Variants in THSD4 observed in about 807,000 individuals in gnomAD.
The protein encoded by THSD4 is thrombospondin type-1 domain-containing protein 4.
THSD4 carries 69 observed loss-of-function variants against 119.0 expected under a neutral mutation model. That is an observed-to-expected ratio of 0.58 (90% CI 0.48 to 0.71). The LOEUF is 0.71. THSD4 is among the 30% of genes least tolerant of loss of function. The pLI is 0.00. For synonymous variants in THSD4, 524 were observed against 540.4 expected (o/e 0.97, Z 0.42); for missense variants, 1,393 against 1,391.1 (o/e 1.00, Z -0.02).
chr15:71,490,885 A>G (rs1314876695), intron 7 of THSD4, among the ~76,000 whole-genome samples: 1 of 152,238 alleles, frequency 6.6e-6, no homozygotes, highest in Non-Finnish European at 1.5e-5. Flanking sequence ...GTTCCTTGCT[A>G]CAATGGCAGA....
chr15:71,331,591 G>A (rs914317544), intron 6 of THSD4, among the ~76,000 whole-genome samples: 1 of 152,180 alleles, frequency 6.6e-6, no homozygotes, highest in African/African-American at 2.4e-5. Flanking sequence ...CCAGAGCATG[G>A]TGGGCCGGGA....
intron 7 of THSD4, among the ~76,000 whole-genome samples, chr15:71,444,040 A>C (rs2047147376): frequency 2.0e-5 from 3 of 152,214 alleles, no homozygotes; most frequent in Admixed American, 2.0e-4. Flanking sequence ...TTTTGTCTGC[A>C]TTTAAAAAAA....
intron 6 of THSD4, among the ~76,000 whole-genome samples, chr15:71,300,215 C>A (rs1596323147): frequency 6.6e-6 from 1 of 151,782 alleles, no homozygotes. Flanking sequence ...AGCAACCACA[C>A]CCCTTCACCA....
chr15:71,748,133 A>G (rs905379992), intron 13 of THSD4, among the ~76,000 whole-genome samples: 4 of 152,182 alleles, frequency 2.6e-5, no homozygotes, highest in Admixed American at 6.5e-5. Flanking sequence ...CAGGAAATCC[A>G]TTTTTAAGGT....
At chr15:71,575,281 C>G (rs1017647098) in intron 7 of THSD4, among the ~76,000 whole-genome samples, 5 of 152,162 alleles carry the variant, frequency 3.3e-5, no homozygotes, top group Non-Finnish European at 5.9e-5. Flanking sequence ...CCAGCAAATA[C>G]AAAGACCATG....
intron 1 of THSD4, among the ~76,000 whole-genome samples, chr15:71,099,890 G>A (rs540224657): frequency 8.4e-4 from 128 of 152,332 alleles, no homozygotes; most frequent in African/African-American, 3.0e-3. Flanking sequence ...AGCCCAGGAA[G>A]TCAGGGTTGC....
intron 6 of THSD4, among the ~76,000 whole-genome samples, chr15:71,402,191 T>A (rs2046545065): frequency 6.6e-6 from 1 of 151,384 alleles, no homozygotes; most frequent in African/African-American, 2.4e-5. Context: ...ATACGGCACA[T>A]GTATACATAT....
intron 6 of THSD4, among the ~76,000 whole-genome samples, chr15:71,288,441 G>C (rs1010457331): frequency 6.6e-6 from 1 of 152,158 alleles, no homozygotes; most frequent in African/African-American, 2.4e-5. Context: ...TCATTGTACA[G>C]ATGGGGAAAC....
intron 7 of THSD4, among the ~76,000 whole-genome samples, chr15:71,621,297 CG>C (rs2050414586): frequency 6.6e-6 from 1 of 152,058 alleles, no homozygotes; most frequent in Non-Finnish European, 1.5e-5. Flanking sequence ...TGAAAACAAG[CG>C]TACATTTTTT....
intron 6 of THSD4, among the ~76,000 whole-genome samples, chr15:71,336,465 T>C (rs2140381173): frequency 6.6e-6 from 1 of 152,350 alleles, no homozygotes; most frequent in Admixed American, 6.5e-5. Flanking sequence ...GGGAAAAAAG[T>C]AATTTGAGTG....
At chr15:71,396,593 C>CAT in intron 6 of THSD4, among the ~76,000 whole-genome samples, 1 of 152,304 alleles carries the variant, frequency 6.6e-6, no homozygotes, top group Non-Finnish European at 1.5e-5. Flanking sequence ...TGTTTTAACA[C>CAT]ATATATCCGC....
At chr15:71,200,255 T>C (rs1019730704) in intron 3 of THSD4, among the ~76,000 whole-genome samples, 4 of 152,164 alleles carry the variant, frequency 2.6e-5, no homozygotes, top group Non-Finnish European at 5.9e-5. Context: ...GTCTGCAGCT[T>C]CTCTGACTTT....
chr15:71,401,010 A>G (rs556083297), intron 6 of THSD4, among the ~76,000 whole-genome samples: 10 of 152,202 alleles, frequency 6.6e-5, no homozygotes, highest in Admixed American at 6.5e-4. Context: ...TTTTCTCTCC[A>G]CTGAAATGAC....
intron 7 of THSD4, among the ~76,000 whole-genome samples, chr15:71,470,062 A>G (rs2047552687): frequency 6.6e-6 from 1 of 152,260 alleles, no homozygotes; most frequent in African/African-American, 2.4e-5. Context: ...GTGTAAAGGC[A>G]TGAAACAATC....
chr15:71,483,300 C>T (rs1337326491), intron 7 of THSD4, among the ~76,000 whole-genome samples: 2 of 152,184 alleles, frequency 1.3e-5, no homozygotes, highest in East Asian at 3.9e-4. Context: ...CCTCAATCTT[C>T]ATACGTGTGA....
chr15:71,705,193 G>A (rs2052370858), intron 8 of THSD4, among the ~76,000 whole-genome samples: 1 of 152,186 alleles, frequency 6.6e-6, no homozygotes, highest in South Asian at 2.1e-4. Flanking sequence ...AGGGCCAGAG[G>A]GATGGGCACC....
chr15:71,307,100 T>G (rs1168013596), intron 6 of THSD4, among the ~76,000 whole-genome samples: 1 of 152,174 alleles, frequency 6.6e-6, no homozygotes, highest in Non-Finnish European at 1.5e-5. Flanking sequence ...TTCCTTGTTC[T>G]TGGGGATTCT....
At chr15:71,331,138 T>A (rs534633798) in intron 6 of THSD4, among the ~76,000 whole-genome samples, 4 of 152,334 alleles carry the variant, frequency 2.6e-5, no homozygotes, top group African/African-American at 9.6e-5. Context: ...TTGATTAGTT[T>A]TCCTGAGGTG....
rs963636521 is a variant in THSD4, at chr15:71,705,128, G to A, written c.1358-23421G>A. Among the ~76,000 whole-genome samples, 6 of 152,320 alleles carry A rather than the reference G, an allele frequency of 3.9e-5. No individual in the cohort carries two copies. The South Asian group carries it at 1.2e-3, about 32-fold the overall frequency. On this transcript the variant is annotated intron_variant, in intron 8 of 17. Coordinates refer to ENST00000261862, the MANE Select transcript of THSD4 (RefSeq NM_024817.3). Reference sequence around the variant, plus strand: ...CCTAATCCACTGAAGGGCAGTCAAGGAGCTGGAAGAATGGAAGGGTAGCTG... The same window carrying A: ...CCTAATCCACTGAAGGGCAGTCAAGAAGCTGGAAGAATGGAAGGGTAGCTG...
Sources: gnomAD v4.1 joint callset for allele counts (sites outside exome capture counted in the v4.1 genomes callset) on GRCh38, gnomAD v4.1.1 for gene constraint, MANE v1.5 for transcripts, NCBI Gene and HGNC (gene_info 2026-07-23, HGNC 2026-07-21) for gene names.